Variants in SLC43A3 observed in about 807,000 individuals in gnomAD.
SLC43A3 encodes solute carrier family 43 member 3.
A neutral mutation model predicts 53.3 loss-of-function variants in SLC43A3; 33 were observed. The observed-to-expected ratio is 0.62, with a 90% CI of 0.47 to 0.83. SLC43A3 has a LOEUF of 0.83. SLC43A3 is among the 40% of genes least tolerant of loss of function. SLC43A3 has a pLI of 0.00. For missense variants in SLC43A3, 530 were observed against 610.0 expected, an observed-to-expected ratio of 0.87 and a Z score of 1.38; for synonymous variants, 236 against 246.2, an observed-to-expected ratio of 0.96 and a Z score of 0.39.
intron 9 of SLC43A3, 71 bp from the exon 10 acceptor site, chr11:57,415,177 C>A: frequency 6.3e-7 from 1 of 1,581,162 alleles, no homozygotes; most frequent in Non-Finnish European, 8.6e-7. Context: ...AGTGTGGAGG[C>A]TTCAATGGAA....
At chr11:57,411,491 A>G (rs1386671194) in intron 11 of SLC43A3, among the ~76,000 whole-genome samples, 1 of 147,682 alleles carries the variant, frequency 6.8e-6, no homozygotes, top group Non-Finnish European at 1.5e-5. Flanking sequence ...AAAAAAAAAA[A>G]AAAAAAAAAA....
intron 11 of SLC43A3, among the ~76,000 whole-genome samples, chr11:57,411,730 A>C (rs1942484775): frequency 6.6e-6 from 1 of 152,066 alleles, no homozygotes; most frequent in African/African-American, 2.4e-5. Flanking sequence ...CCTAAGGATG[A>C]GAAAGGAATA....
In SLC43A3 at chr11:57,409,296, A is replaced by T; in HGVS notation, c.1250T>A (p.Phe417Tyr). Reference sequence around the variant, plus strand: ...GAGCTTGCCAAAGTGCTCTGAAGGGAAACTGGGGAGAGAAACCAGAGGGGT... The same window carrying T: ...GAGCTTGCCAAAGTGCTCTGAAGGGTAACTGGGGAGAGAAACCAGAGGGGT... ...GSNAAFLTLA[F>Y]PSEHFGKLFG... Residue 417 changes from phenylalanine to tyrosine, a missense_variant and splice_region_variant, in exon 13 of 14, where the codon TTC becomes TAC. Physicochemically the swap from Phe to Tyr is conservative, Grantham distance 22. This residue lies in a region of SLC43A3 where 124 missense variants were observed against 166.4 expected (regional missense o/e 0.75). Coordinates refer to ENST00000395124, the MANE Select transcript of SLC43A3 (RefSeq NM_199329.3). 6.2e-7 allele frequency: 1 copy of T among 1,614,146 alleles called. No homozygotes were observed. Among genetic ancestry groups the T allele is most frequent in the Non-Finnish European group, 8.5e-7 (1 of 1,180,006 alleles).
rs1029394440 is a variant in SLC43A3, at chr11:57,407,159, G to T, written c.*633C>A. The T allele has an allele frequency of 3.9e-5, 6 of 152,340 alleles. No homozygotes were observed. The highest frequency in any genetic ancestry group is 8.8e-5 in the Non-Finnish European group (6 of 68,182). 9.4% of individuals were successfully genotyped at this position (152,340 alleles called of 1,614,324 possible). ...TGTCACTATTCCTAAAACCTTCTAG[G>T]ACATCTGCTCCAGGAAGAACTTTCA... On this transcript the variant is annotated 3_prime_UTR_variant, in exon 14 of 14. Transcript: ENST00000395124.
chr11:57,415,432 G>C, intron 9 of SLC43A3: 1 of 1,334,204 alleles, frequency 7.5e-7, no homozygotes, highest in Non-Finnish European at 9.8e-7. Context: ...GAACGACAAG[G>C]AGAGGAGAAA....
intron 11 of SLC43A3, 69 bp from the exon 12 acceptor site, chr11:57,410,190 G>A (rs1942388035): frequency 7.7e-7 from 1 of 1,299,346 alleles, no homozygotes; most frequent in Non-Finnish European, 1.0e-6. Context: ...AAGGGCCAAG[G>A]AAGATTGGAA....
intron 7 of SLC43A3, 54 bp from the exon 8 acceptor site, chr11:57,417,941 A>C (rs1294251931): frequency 6.4e-7 from 1 of 1,568,028 alleles, no homozygotes; most frequent in East Asian, 2.3e-5. Context: ...TAGCAGCACT[A>C]TTCACAATAG....
chr11:57,420,377 A>C (rs893995605), intron 7 of SLC43A3, among the ~76,000 whole-genome samples: 1 of 152,200 alleles, frequency 6.6e-6, no homozygotes, highest in Non-Finnish European at 1.5e-5. Flanking sequence ...CAACGGGTAA[A>C]TGGATTGCCA....
intron 9 of SLC43A3, 52 bp from the exon 10 acceptor site, chr11:57,415,158 A>G: frequency 6.3e-7 from 1 of 1,585,452 alleles, no homozygotes; most frequent in Non-Finnish European, 8.6e-7. Flanking sequence ...GTGGACAGGT[A>G]GGATGGGGAG....
rs539436155 is a variant in SLC43A3, at chr11:57,416,998, C to G, written c.672-328G>C. Among the ~76,000 whole-genome samples, 7 of 152,316 alleles carry G rather than the reference C, an allele frequency of 4.6e-5. No homozygotes were observed. In the South Asian group the frequency reaches 1.4e-3, roughly 32 times the overall value. ...ACAGAAAGATGGCTCAGACTTAACC[C>G]TTCTGAGCCTCATTTTTTGCATTTA... is the stretch of plus-strand genomic sequence containing the variant. On this transcript the variant is annotated intron_variant, in intron 8 of 13. Coordinates refer to ENST00000395124, the MANE Select transcript of SLC43A3 (RefSeq NM_199329.3).
At chr11:57,425,832 C>T in intron 3 of SLC43A3, 157 bp downstream of exon 3, 1 of 1,349,616 alleles carries the variant, frequency 7.4e-7, no homozygotes, top group Admixed American at 2.2e-5. Context: ...GCTGGTGCCT[C>T]CCTCCCAGGC....
intron 11 of SLC43A3, among the ~76,000 whole-genome samples, chr11:57,411,129 G>C (rs1942440098): frequency 6.6e-6 from 1 of 152,068 alleles, no homozygotes; most frequent in Non-Finnish European, 1.5e-5. Flanking sequence ...AAGAGGAAAA[G>C]GGGTACAAGA....
intron 8 of SLC43A3, among the ~76,000 whole-genome samples, chr11:57,416,923 A>G (rs568868915): frequency 9.1e-4 from 139 of 152,306 alleles, no homozygotes; most frequent in African/African-American, 3.1e-3. Flanking sequence ...GAAGCATGAA[A>G]AGAGTAGGGC....
rs756571206 is a variant in SLC43A3 at position 57,407,886 on chromosome 11, A to G, written c.1382T>C (p.Met461Thr). ...LQNDPFYVNV[M>T]FMLAILLTFF... Reference sequence around the variant, plus strand: ...TGTCAGAAGAATGGCAAGCATGAACATCACATTCACCTGCAGGGAGAGCAG... The same window carrying G: ...TGTCAGAAGAATGGCAAGCATGAACGTCACATTCACCTGCAGGGAGAGCAG... The change falls in exon 14 of 14, where the codon ATG (methionine) becomes ACG (threonine). Residue 461 changes from methionine to threonine, a missense_variant. Around this residue, in one of 3 missense-constraint regions of SLC43A3, gnomAD observed 124 missense variants for 166.4 expected, o/e 0.75. Transcript: ENST00000395124. 6.2e-7 allele frequency: 1 copy of G among 1,610,196 alleles called. No individual in the cohort carries two copies. The highest frequency in any genetic ancestry group is 1.1e-5 in the South Asian group (1 of 91,006).
rs397849571 is a variant in SLC43A3, at chr11:57,414,506, C to CAAA, written c.1060+106_1060+108dup. The CAAA allele has an allele frequency of 1.7e-3, 480 of 288,046 alleles. 3 individuals carry two copies. The highest frequency in any genetic ancestry group is 1.9e-3 in the Non-Finnish European group (295 of 157,370). The allele number at this position is 288,046 out of a possible 1,614,324, so 17.8% of individuals were successfully genotyped here. ...TGGGCAACAGAGTAAGACTCTATCA[C>CAAA]AAAAAAAAAAAAAAAAAAAAAAAAA... is the stretch of plus-strand genomic sequence containing the variant. On this transcript the variant is annotated intron_variant, in intron 11 of 13. Transcript: ENST00000395124.
intron 4 of SLC43A3, among the ~76,000 whole-genome samples, chr11:57,424,887 T>A (rs1397827702): frequency 6.6e-6 from 1 of 152,176 alleles, no homozygotes; most frequent in Non-Finnish European, 1.5e-5. Context: ...AGCAGGCCGC[T>A]GATTACCACT....
rs1942256797 is a variant in SLC43A3, at chr11:57,407,321, G to A, written c.*471C>T. 6.4e-6 allele frequency: 1 copy of A among 155,342 alleles called. No homozygotes were observed. Among genetic ancestry groups the A allele is most frequent in the African/African-American group, 2.4e-5 (1 of 41,482 alleles). 9.6% of individuals were successfully genotyped at this position (155,342 alleles called of 1,614,324 possible). Reference sequence around the variant, plus strand: ...ACCCTGTCTGCTCCTCTTTTTCCCAGAGCTGTGAGTTCTCTAGCCAAGGCT... The same window carrying A: ...ACCCTGTCTGCTCCTCTTTTTCCCAAAGCTGTGAGTTCTCTAGCCAAGGCT... On this transcript the variant is annotated 3_prime_UTR_variant, in exon 14 of 14. Coordinates refer to ENST00000395124, the MANE Select transcript of SLC43A3 (RefSeq NM_199329.3).
chr11:57,416,304 G>T (rs567447832), intron 9 of SLC43A3, among the ~76,000 whole-genome samples: 18 of 152,330 alleles, frequency 1.2e-4, no homozygotes, highest in African/African-American at 4.3e-4. Context: ...GAACCGAGGA[G>T]TGGGGGGAAG....
At chr11:57,420,929 C>T (rs1327597356) in intron 7 of SLC43A3, 43 bp downstream of exon 7, 1 of 1,289,344 alleles carries the variant, frequency 7.8e-7, no homozygotes, top group Non-Finnish European at 1.1e-6. Context: ...AAGTGTCTGG[C>T]ATATACAAGT....
Sources: gnomAD v4.1 joint callset for allele counts (sites outside exome capture counted in the v4.1 genomes callset) on GRCh38, gnomAD v4.1.1 for gene constraint, gnomAD v4.1.1 regional missense constraint, MANE v1.5 for transcripts, NCBI Gene and HGNC (gene_info 2026-07-23, HGNC 2026-07-21) for gene names.